PCNX1: variants seen among roughly 807,000 people sequenced by gnomAD.
The protein encoded by PCNX1 is pecanex 1.
In PCNX1, 78 loss-of-function variants were observed where a neutral mutation model predicts 242.2. The observed-to-expected ratio is 0.32, with a 90% CI of 0.27 to 0.39. PCNX1 has a LOEUF of 0.39. Among genes scored for constraint, PCNX1 ranks in the 10% least tolerant of loss-of-function variants. PCNX1 has a pLI of 1.00. For missense variants in PCNX1, 2,581 were observed against 2,856.5 expected, an observed-to-expected ratio of 0.90 and a Z score of 2.20; for synonymous variants, 1,024 against 1,032.9, an observed-to-expected ratio of 0.99 and a Z score of 0.17.
At chr14:71,052,087 A>G in intron 24 of PCNX1, 75 bp downstream of exon 24, 1 of 1,064,910 alleles carries the variant, frequency 9.4e-7, no homozygotes. Flanking sequence ...CATTATTATT[A>G]GAATTTATGG....
At position 71,103,571 on chromosome 14, in the gene PCNX1, A is replaced by C; in HGVS notation, c.5997A>C (p.Thr1999=). ...ACCCAATCTTTGTCTCACCCCTGAC[A>C]ACTTCTTACTCTGACAGCCACGAAC... ...IGYPIFVSPL[T]TSYSDSHEQL... Residue 1999 remains threonine, a synonymous_variant, in exon 32 of 36, where the codon ACA becomes ACC. Transcript: ENST00000304743. 6.2e-7 allele frequency: 1 copy of C among 1,614,170 alleles called. No individual in the cohort carries two copies.
Position 71,045,122 on chromosome 14 carries a change from A to G in PCNX1, c.3868-11A>G. The G allele has an allele frequency of 6.4e-7, 1 of 1,556,840 alleles. No homozygotes were observed. The highest frequency in any genetic ancestry group is 8.7e-7 in the Non-Finnish European group (1 of 1,152,486). ...CACTCCTAATTTTATCACTTCTATT[A>G]TTTTTTTTAGCCTGCCCTCAAGTAT... On this transcript the variant is annotated splice_polypyrimidine_tract_variant and intron_variant, in intron 19 of 35. Coordinates refer to ENST00000304743, the MANE Select transcript of PCNX1 (RefSeq NM_014982.3).
At chr14:70,939,111 T>G (rs2057129035) in intron 1 of PCNX1, among the ~76,000 whole-genome samples, 2 of 152,218 alleles carry the variant, frequency 1.3e-5, no homozygotes, top group Admixed American at 6.5e-5. Context: ...TTTTGAAGGG[T>G]TTTTTGTGTC....
At chr14:71,091,917 C>T (rs142573806) in intron 30 of PCNX1, among the ~76,000 whole-genome samples, 24 of 152,290 alleles carry the variant, frequency 1.6e-4, no homozygotes, top group South Asian at 6.2e-4. Context: ...GTGAGCAGTT[C>T]GCCTTTCCAG....
intron 26 of PCNX1, among the ~76,000 whole-genome samples, chr14:71,071,534 C>T (rs1340896642): frequency 2.6e-5 from 4 of 152,062 alleles, no homozygotes; most frequent in Non-Finnish European, 4.4e-5. Flanking sequence ...TCTGGTTGTT[C>T]AAAAGTGTAT....
chr14:70,941,575 G>A (rs1025535472), intron 1 of PCNX1, among the ~76,000 whole-genome samples: 2 of 152,202 alleles, frequency 1.3e-5, no homozygotes, highest in Admixed American at 6.5e-5. Flanking sequence ...CTACTTGGGG[G>A]TCAGGGACCC....
chr14:70,925,069 A>G (rs575038180), intron 1 of PCNX1, among the ~76,000 whole-genome samples: 6 of 151,576 alleles, frequency 4.0e-5, no homozygotes, highest in East Asian at 1.9e-4. Context: ...GCTCACTGCA[A>G]CCTCCACCTC....
intron 32 of PCNX1, 145 bp from the exon 33 acceptor site, chr14:71,105,090 T>G (rs1396731494): frequency 3.1e-6 from 2 of 639,098 alleles, no homozygotes; most frequent in Non-Finnish European, 5.5e-6. Context: ...ATGAGTTTTT[T>G]TGTTCCTAAT....
Position 71,019,034 on chromosome 14 carries a change from T to G in PCNX1, c.3022T>G (p.Leu1008Val). The G allele has an allele frequency of 6.2e-7, 1 of 1,612,930 alleles. No homozygotes were observed. The highest frequency in any genetic ancestry group is 8.5e-7 in the Non-Finnish European group (1 of 1,179,444). The change falls in exon 12 of 36, where the codon TTA becomes GTA. Residue 1008 changes from leucine (L) to valine (V), a missense_variant. Coordinates refer to ENST00000304743, the MANE Select transcript of PCNX1 (RefSeq NM_014982.3). ...AAATCGTGAGATCCTGGAAAATGTG[T>G]TAGCTGTCATCCTGGCTATTCTCGT... ...DRNREILENV[L>V]AVILAILVAF...
At chr14:71,052,780 C>T (rs1418807174) in intron 24 of PCNX1, among the ~76,000 whole-genome samples, 1 of 152,076 alleles carries the variant, frequency 6.6e-6, no homozygotes, top group Non-Finnish European at 1.5e-5. Flanking sequence ...GTATTTTCTC[C>T]ATTTAGGCTT....
chr14:71,017,833 T>G (rs542002021), intron 11 of PCNX1, among the ~76,000 whole-genome samples: 1 of 152,220 alleles, frequency 6.6e-6, no homozygotes, highest in Non-Finnish European at 1.5e-5. Context: ...GGAAATACTA[T>G]TGAACTTTTT....
intron 18 of PCNX1, among the ~76,000 whole-genome samples, chr14:71,035,188 C>G (rs937359799): frequency 2.0e-5 from 3 of 152,094 alleles, no homozygotes; most frequent in African/African-American, 7.2e-5. Flanking sequence ...AGACACTGCA[C>G]TCCAGCCTGG....
Position 70,978,469 on chromosome 14 carries a change from A to G in PCNX1, c.2132A>G (p.Glu711Gly), listed in dbSNP as rs745492296. The change falls in exon 6 of 36, where the codon GAA becomes GGA. Residue 711 changes from glutamate to glycine, a missense_variant. By Grantham distance (98) the Glu-to-Gly change is moderately conservative. Transcript: ENST00000304743. ...LNDSNRLMAP[E>G]SIKPLTTSKS... ...GACTCAAACAGGTTAATGGCACCTG[A>G]AAGTATAAAGCCCTTAACCACTTCA... is the stretch of plus-strand genomic sequence containing the variant. The G allele has an allele frequency of 2.5e-6, 4 of 1,614,170 alleles. No individual in the cohort carries two copies. The Admixed American group carries it at 6.7e-5, about 27-fold the overall frequency.
chr14:71,057,006 G>A (rs539969641), intron 25 of PCNX1, among the ~76,000 whole-genome samples: 2 of 152,090 alleles, frequency 1.3e-5, no homozygotes, highest in Admixed American at 6.6e-5. Context: ...GTTCTCTGTT[G>A]CTATATACAG....
At chr14:71,014,972 AGAG>A (rs2059922338) in intron 11 of PCNX1, among the ~76,000 whole-genome samples, 1 of 152,218 alleles carries the variant, frequency 6.6e-6, no homozygotes, top group African/African-American at 2.4e-5. Flanking sequence ...AAAGAAAAAA[AGAG>A]GAGCAAGGAT....
At chr14:71,012,781 G>A (rs982202899) in intron 10 of PCNX1, 11 of 491,176 alleles carry the variant, frequency 2.2e-5, no homozygotes, top group South Asian at 1.3e-4. Flanking sequence ...GCAGTGAGCC[G>A]AGATTGCACC....
chr14:71,023,513 T>C (rs1290262970), intron 13 of PCNX1, among the ~76,000 whole-genome samples: 1 of 152,104 alleles, frequency 6.6e-6, no homozygotes, highest in Non-Finnish European at 1.5e-5. Flanking sequence ...GACATGGTTC[T>C]TATAAACTCA....
At chr14:70,991,010 C>A (rs2059147449) in intron 7 of PCNX1, among the ~76,000 whole-genome samples, 1 of 151,356 alleles carries the variant, frequency 6.6e-6, no homozygotes, top group East Asian at 1.9e-4. Flanking sequence ...TTATTTCATT[C>A]TTTGCCACTA....
chr14:70,924,613 G>T (rs2056514715), intron 1 of PCNX1, among the ~76,000 whole-genome samples: 1 of 151,744 alleles, frequency 6.6e-6, no homozygotes, highest in South Asian at 2.1e-4. Context: ...TTTGACACTG[G>T]GTCTAATTCT....
Sources: gnomAD v4.1 joint callset for allele counts (sites outside exome capture counted in the v4.1 genomes callset) on GRCh38, gnomAD v4.1.1 for gene constraint, MANE v1.5 for transcripts, NCBI Gene and HGNC (gene_info 2026-07-23, HGNC 2026-07-21) for gene names.